Variants in CAST observed in about 807,000 individuals in gnomAD.
CAST encodes the protein MIR583 host.
A neutral mutation model predicts 119.6 loss-of-function variants in CAST; 76 were observed. The ratio of observed to expected loss-of-function variants is 0.64; its 90% CI spans 0.53 to 0.77. CAST has a LOEUF of 0.77. Among genes scored for constraint, CAST ranks in the 30% least tolerant of loss-of-function variants. The pLI, the probability that CAST is intolerant of heterozygous loss-of-function variation, is 0.00. For synonymous variants in CAST, 319 were observed against 331.6 expected, an observed-to-expected ratio of 0.96 and a Z score of 0.41; for missense variants, 953 against 946.5, an observed-to-expected ratio of 1.01 and a Z score of -0.09.
intron 1 of CAST, among the ~76,000 whole-genome samples, chr5:96,606,519 A>G (rs1365504583): frequency 6.6e-6 from 1 of 152,232 alleles, no homozygotes; most frequent in African/African-American, 2.4e-5. Flanking sequence ...AAGCCTGAGC[A>G]GAGAGGCAGA....
At chr5:96,441,615 A>C in the CAST span, among the ~76,000 whole-genome samples, 1 of 152,108 alleles carries the variant, frequency 6.6e-6, no homozygotes, top group East Asian at 1.9e-4. Flanking sequence ...CATTTATTGA[A>C]AGTGGCACCT....
At chr5:96,603,759 C>CTTTTTT (rs70981832) in intron 1 of CAST, among the ~76,000 whole-genome samples, 34 of 79,488 alleles carry the variant, frequency 4.3e-4, no homozygotes, top group African/African-American at 7.3e-4. Flanking sequence ...GTGCTGTACT[C>CTTTTTT]TTTTTTTTTT....
the CAST span, among the ~76,000 whole-genome samples, chr5:96,086,481 G>A: frequency 1.3e-5 from 2 of 152,178 alleles, no homozygotes; most frequent in Admixed American, 6.5e-5. Context: ...TTACCAGGGT[G>A]CATTGCATGT....
chr5:96,016,825 C>T, the CAST span, among the ~76,000 whole-genome samples: 6 of 136,034 alleles, frequency 4.4e-5, no homozygotes, highest in South Asian at 9.4e-4. Flanking sequence ...ATTTGGTTAT[C>T]TGGGTTTTTT....
chr5:96,770,660 T>G, intron 30 of CAST, 58 bp downstream of exon 30: 7 of 1,163,352 alleles, frequency 6.0e-6, no homozygotes, highest in Non-Finnish European at 7.7e-6. Context: ...GAGTAGGGTT[T>G]ATCATTTCAG....
chr5:96,046,568 A>G, the CAST span, among the ~76,000 whole-genome samples: 1 of 152,188 alleles, frequency 6.6e-6, no homozygotes. Context: ...CCCATTTCTG[A>G]TAATTCATTC....
chr5:96,363,010 T>C, the CAST span, among the ~76,000 whole-genome samples: 2 of 151,364 alleles, frequency 1.3e-5, no homozygotes, highest in African/African-American at 2.4e-5. Context: ...TTAATTTTTG[T>C]ATAAGGTGTA....
At chr5:96,206,343 A>G in the CAST span, among the ~76,000 whole-genome samples, 1 of 151,998 alleles carries the variant, frequency 6.6e-6, no homozygotes, top group Admixed American at 6.6e-5. Flanking sequence ...TTTTCTTACA[A>G]TTGCTTCTGG....
chr5:96,431,475 A>G, the CAST span, among the ~76,000 whole-genome samples: 1 of 152,244 alleles, frequency 6.6e-6, no homozygotes, highest in Non-Finnish European at 1.5e-5. Context: ...ATCAGTTGCA[A>G]TCATTTATCT....
At chr5:96,353,129 AC>A in the CAST span, among the ~76,000 whole-genome samples, 1,066 of 152,126 alleles carry the variant, frequency 7.0e-3, 10 homozygotes, top group African/African-American at 0.025. Context: ...ATAAAAAAAA[AC>A]AATACTCGAA....
In CAST at chr5:96,750,642, T is replaced by C. The variant is rs778540123; in HGVS notation, c.1484T>C (p.Met495Thr). Residue 495 changes from methionine (M) to threonine (T), a missense_variant, in exon 20 of 32, where the codon ATG becomes ACG. Coordinates refer to ENST00000675179, the MANE Select transcript of CAST (RefSeq NM_001750.7). ...TCGGAGGCTGTGTGTCGGACCTCCATGTGTAGTATACAGTCAGCACCCCCT... is the reference window on the plus strand; with the variant it reads ...TCGGAGGCTGTGTGTCGGACCTCCACGTGTAGTATACAGTCAGCACCCCCT... ...PVSEAVCRTS[M>T]CSIQSAPPEP... The C allele has an allele frequency of 1.4e-5, 23 of 1,613,456 alleles. No individual in the cohort carries two copies. The East Asian group carries it at 4.9e-4, about 34-fold the overall frequency.
At chr5:96,198,350 C>T in the CAST span, among the ~76,000 whole-genome samples, 4 of 152,040 alleles carry the variant, frequency 2.6e-5, no homozygotes, top group African/African-American at 9.7e-5. Context: ...TTCCCTTTGC[C>T]CCTCCCTTTG....
chr5:96,770,612 G>T lies in CAST; in HGVS notation c.2340+10G>T, dbSNP rs1771944138. On this transcript the variant is annotated intron_variant, in intron 30 of 31. Coordinates refer to ENST00000675179, the MANE Select transcript of CAST (RefSeq NM_001750.7). ...GAAGGATTCAGCAAAGGTAAATGGA[G>T]CAGTAAATATACTACAAATTAGTTT... The T allele has an allele frequency of 6.3e-7, 1 of 1,583,368 alleles. No homozygotes were observed. The highest frequency in any genetic ancestry group is 1.3e-5 in the African/African-American group (1 of 74,254).
chr5:96,439,490 A>T, the CAST span, among the ~76,000 whole-genome samples: 1 of 152,324 alleles, frequency 6.6e-6, no homozygotes, highest in South Asian at 2.1e-4. Flanking sequence ...TGACATTAGG[A>T]TGCAAATAGG....
the CAST span, among the ~76,000 whole-genome samples, chr5:96,512,254 A>G: frequency 6.6e-6 from 1 of 152,256 alleles, no homozygotes; most frequent in Non-Finnish European, 1.5e-5. Flanking sequence ...TTACCAATGC[A>G]TGCCTAGTAA....
the CAST span, among the ~76,000 whole-genome samples, chr5:96,266,456 C>G: frequency 8.5e-5 from 13 of 152,106 alleles, no homozygotes; most frequent in Non-Finnish European, 1.6e-4. Context: ...TAACCCCAGC[C>G]CTGGAAACTC....
chr5:96,447,508 G>A, the CAST span, among the ~76,000 whole-genome samples: 5 of 152,042 alleles, frequency 3.3e-5, no homozygotes, highest in Admixed American at 6.6e-5. Flanking sequence ...ATCCACACAC[G>A]TGCCTGCATG....
chr5:96,089,691 A>T, the CAST span, among the ~76,000 whole-genome samples: 1 of 152,200 alleles, frequency 6.6e-6, no homozygotes, highest in Admixed American at 6.5e-5. Context: ...TTCTTGACAT[A>T]CTATTACCAA....
chr5:96,552,826 C>T (rs758135862), intron 1 of CAST, among the ~76,000 whole-genome samples: 1 of 152,118 alleles, frequency 6.6e-6, no homozygotes, highest in Non-Finnish European at 1.5e-5. Context: ...TTGATAAATT[C>T]CTGGACACAT....
Sources: allele counts gnomAD v4.1 joint callset (sites outside exome capture counted in the v4.1 genomes callset), GRCh38; gene constraint gnomAD v4.1.1; transcripts MANE v1.5; gene names NCBI Gene and HGNC (gene_info 2026-07-23, HGNC 2026-07-21).